The following PLEKHF2 variants were observed in gnomAD, a reference collection of about 807,000 sequenced individuals.
PLEKHF2 encodes the protein pleckstrin homology domain-containing family F member 2.
In PLEKHF2, 4 loss-of-function variants were observed where a neutral mutation model predicts 14.7. The ratio of observed to expected loss-of-function variants is 0.27; its 90% CI spans 0.13 to 0.62. The LOEUF is 0.62. PLEKHF2 is among the 20% of genes least tolerant of loss of function. The pLI is 0.85. For synonymous variants in PLEKHF2, 90 were observed against 103.5 expected, an observed-to-expected ratio of 0.87 and a Z score of 0.79; for missense variants, 201 against 307.7, an observed-to-expected ratio of 0.65 and a Z score of 2.60.
At position 95,154,990 on chromosome 8, in the gene PLEKHF2, G is replaced by T; in HGVS notation, c.*196G>T. On this transcript the variant is annotated 3_prime_UTR_variant, in exon 2 of 2. Transcript: ENST00000315367. The surrounding 1 kb of genome is among the most constrained non-coding windows in gnomAD (Gnocchi z 5.6). ...TCCCACTCCTCACACTCTTCTACAGGGATAGGCTTTTGCAAATATATCAGA... is the reference window on the plus strand; with the variant it reads ...TCCCACTCCTCACACTCTTCTACAGTGATAGGCTTTTGCAAATATATCAGA... The T allele has an allele frequency of 1.8e-6, 1 of 564,310 alleles. No individual in the cohort carries two copies. Among genetic ancestry groups the T allele is most frequent in the Non-Finnish European group, 3.1e-6 (1 of 324,250 alleles). 35.0% of individuals were successfully genotyped at this position (564,310 alleles called of 1,614,324 possible). A position where few individuals can be genotyped will look rare whatever the true frequency, so the allele number is the denominator to read the frequency against.
intron 1 of PLEKHF2, among the ~76,000 whole-genome samples, chr8:95,139,245 T>C (rs1315011268): frequency 6.6e-6 from 1 of 152,220 alleles, no homozygotes; most frequent in Non-Finnish European, 1.5e-5. Flanking sequence ...GGCTCACACC[T>C]GTAATCCCAG....
chr8:95,149,535 A>G (rs1193188264), intron 1 of PLEKHF2, among the ~76,000 whole-genome samples: 1 of 152,210 alleles, frequency 6.6e-6, no homozygotes, highest in East Asian at 1.9e-4. Context: ...AAAATCGGTC[A>G]TGCTTGCTGA....
In PLEKHF2 at chr8:95,154,173, T is replaced by C. The variant is rs751148396; in HGVS notation, c.129T>C (p.Thr43=). Residue 43 remains threonine (T), a synonymous_variant, in exon 2 of 2, where the codon ACT becomes ACC. Coordinates refer to ENST00000315367, the MANE Select transcript of PLEKHF2 (RefSeq NM_024613.4). This position sits in a 1 kb window ranked among gnomAD's most constrained non-coding sequence, Gnocchi z 5.6. ...GRVLIGEGVL[T]KLCRKKPKAR... The stretch of plus-strand genomic sequence containing the variant: ...TTCTTATTGGAGAAGGAGTATTGAC[T>C]AAGTTGTGCAGGAAAAAGCCCAAAG... 6.2e-7 allele frequency: 1 copy of C among 1,614,012 alleles called. No individual in the cohort carries two copies. Among genetic ancestry groups the C allele is most frequent in the Non-Finnish European group, 8.5e-7 (1 of 1,179,952 alleles).
intron 1 of PLEKHF2, among the ~76,000 whole-genome samples, chr8:95,153,301 A>G (rs1455830422): frequency 6.6e-6 from 1 of 152,194 alleles, no homozygotes; most frequent in East Asian, 1.9e-4. Context: ...AGTTAGCTGC[A>G]GTAGTAAGTA....
In PLEKHF2 at chr8:95,155,576, G is replaced by A. The variant is rs546583985; in HGVS notation, c.*782G>A. 6.0e-6 allele frequency: 1 copy of A among 167,052 alleles called. No homozygotes were observed. The highest frequency in any genetic ancestry group is 1.9e-4 in the East Asian group (1 of 5,190). 10.3% of individuals were successfully genotyped at this position (167,052 alleles called of 1,614,324 possible). ...AATTAATAAAAGTTGTCATTCTTAG[G>A]AATTTGGTTTGAAATTTATCAGTTA... On this transcript the variant is annotated 3_prime_UTR_variant, in exon 2 of 2. Transcript: ENST00000315367.
At chr8:95,141,104 C>G (rs1021128249) in intron 1 of PLEKHF2, among the ~76,000 whole-genome samples, 2 of 152,160 alleles carry the variant, frequency 1.3e-5, no homozygotes, top group African/African-American at 4.8e-5. Context: ...TTGCACAGAG[C>G]AAGTGATAAT....
intron 1 of PLEKHF2, among the ~76,000 whole-genome samples, chr8:95,142,083 G>C (rs73264560): frequency 6.6e-6 from 1 of 151,918 alleles, no homozygotes; most frequent in Non-Finnish European, 1.5e-5. Flanking sequence ...TTATTTCCTA[G>C]TGTCTGCTTT....
At chr8:95,144,819 T>C (rs570973688) in intron 1 of PLEKHF2, among the ~76,000 whole-genome samples, 2 of 150,266 alleles carry the variant, frequency 1.3e-5, no homozygotes, top group African/African-American at 4.9e-5. Flanking sequence ...AGCCGAGATA[T>C]TGCCATTGCA....
intron 1 of PLEKHF2, among the ~76,000 whole-genome samples, chr8:95,141,163 T>C (rs1349397336): frequency 1.3e-5 from 2 of 152,252 alleles, no homozygotes; most frequent in Non-Finnish European, 2.9e-5. Flanking sequence ...TTTTATTTGC[T>C]TTTGAATTAA....
At chr8:95,139,320 G>T (rs887982102) in intron 1 of PLEKHF2, among the ~76,000 whole-genome samples, 6 of 152,074 alleles carry the variant, frequency 3.9e-5, no homozygotes, top group African/African-American at 9.7e-5. Context: ...ACCAGCCTGG[G>T]CAACATGGCA....
intron 1 of PLEKHF2, among the ~76,000 whole-genome samples, chr8:95,140,787 C>CT (rs1810431034): frequency 1.4e-5 from 2 of 146,786 alleles, no homozygotes. Flanking sequence ...ACCTTTACCA[C>CT]TGTTTTTTTT....
chr8:95,149,031 G>A (rs1004294202), intron 1 of PLEKHF2, among the ~76,000 whole-genome samples: 2 of 151,714 alleles, frequency 1.3e-5, no homozygotes, highest in Non-Finnish European at 2.9e-5. Context: ...CAAAAAAAAA[G>A]GGATTAATAG....
intron 1 of PLEKHF2, among the ~76,000 whole-genome samples, chr8:95,143,517 G>T (rs563533657): frequency 6.6e-6 from 1 of 152,316 alleles, no homozygotes; most frequent in South Asian, 2.1e-4. Flanking sequence ...ATGGTGTGAG[G>T]ATTCACCTGG....
intron 1 of PLEKHF2, among the ~76,000 whole-genome samples, chr8:95,146,663 T>C (rs1352263371): frequency 3.9e-5 from 6 of 152,240 alleles, no homozygotes; most frequent in Non-Finnish European, 5.9e-5. Context: ...TTCTTGTCTG[T>C]AGTGTGAAGA....
intron 1 of PLEKHF2, among the ~76,000 whole-genome samples, chr8:95,150,405 G>T (rs1180363509): frequency 6.6e-6 from 1 of 150,862 alleles, no homozygotes; most frequent in Non-Finnish European, 1.5e-5. Flanking sequence ...TGGGCTGCCA[G>T]AATCATTAAA....
chr8:95,143,042 C>G (rs940476798), intron 1 of PLEKHF2, among the ~76,000 whole-genome samples: 6 of 151,546 alleles, frequency 4.0e-5, no homozygotes, highest in African/African-American at 1.5e-4. Flanking sequence ...GCCATTTATG[C>G]AAGCATTTTT....
intron 1 of PLEKHF2, among the ~76,000 whole-genome samples, chr8:95,135,685 TAA>T (rs917959161): frequency 7.2e-5 from 11 of 152,352 alleles, no homozygotes; most frequent in Admixed American, 3.9e-4. Context: ...AATGGCATTA[TAA>T]CATTTTTTAT....
rs1305424027 is a variant in PLEKHF2 at position 95,144,882 on chromosome 8, A to C, written c.-14-9149A>C. Among the ~76,000 whole-genome samples the C allele has an allele frequency of 2.0e-5, 3 of 151,560 alleles. 1 individual carries two copies. Among genetic ancestry groups the C allele is most frequent in the Admixed American group, 2.0e-4 (3 of 15,212 alleles). ...TCTGTCTCAAGAAAAAAAAAAAAAA[A>C]AACCCAGAAAAAAAAACAAAAAACT... On this transcript the variant is annotated intron_variant, in intron 1 of 1. Transcript: ENST00000315367.
intron 1 of PLEKHF2, among the ~76,000 whole-genome samples, chr8:95,138,897 C>G (rs1218100643): frequency 6.6e-6 from 1 of 152,114 alleles, no homozygotes; most frequent in Non-Finnish European, 1.5e-5. Context: ...ACTTTGTACA[C>G]TTTTAATTTT....
Sources: allele counts gnomAD v4.1 joint callset (sites outside exome capture counted in the v4.1 genomes callset), GRCh38; gene constraint gnomAD v4.1.1; non-coding constraint Gnocchi (gnomAD v3.1); transcripts MANE v1.5; gene names NCBI Gene and HGNC (gene_info 2026-07-23, HGNC 2026-07-21).